The following NBPF11 variants were observed in gnomAD, a reference collection of about 807,000 sequenced individuals.
The protein encoded by NBPF11 is NBPF family member NBPF11.
NBPF11 carries 72 observed loss-of-function variants against 93.9 expected under a neutral mutation model. The ratio of observed to expected loss-of-function variants is 0.77; its 90% confidence interval spans 0.63 to 0.93. NBPF11 has a LOEUF of 0.93. Ranked by LOEUF, NBPF11 falls within the 40% of genes least tolerant of loss-of-function variation. NBPF11 has a pLI of 0.00. For synonymous variants in NBPF11, 224 were observed against 304.9 expected (o/e 0.73, Z 2.76); for missense variants, 705 against 802.2 (o/e 0.88, Z 1.46).
chr1:148,146,249 C>T (rs1306828081), intron 1 of NBPF11: 4 of 1,116,512 alleles, frequency 3.6e-6, no homozygotes, highest in African/African-American at 1.7e-5. Flanking sequence ...GGCCTCCTAA[C>T]GGGGCTGCTG....
intron 1 of NBPF11, chr1:148,146,950 C>A (rs1673231265): frequency 6.4e-7 from 1 of 1,571,880 alleles, no homozygotes; most frequent in Non-Finnish European, 8.6e-7. Context: ...GCAGCTCAGC[C>A]TGGGCACACC....
intron 12 of NBPF11, among the ~76,000 whole-genome samples, chr1:148,116,762 G>C (rs1298331446): frequency 1.3e-5 from 2 of 151,976 alleles, no homozygotes; most frequent in African/African-American, 2.4e-5. Flanking sequence ...ATATTGAAAA[G>C]ACCTTTTGCT....
chr1:148,142,885 T>C (rs1199454936), intron 2 of NBPF11, among the ~76,000 whole-genome samples: 9 of 152,238 alleles, frequency 5.9e-5, no homozygotes, highest in African/African-American at 2.2e-4. Context: ...AAGTGGTCTC[T>C]CTTTTAACCC....
chr1:148,142,010 GAGGGAGGAAGGAAGGA>G (rs1229127332), intron 2 of NBPF11, among the ~76,000 whole-genome samples: 5 of 140,878 alleles, frequency 3.5e-5, no homozygotes, highest in Non-Finnish European at 7.7e-5. Context: ...GGGAAGGAGG[GAGGGAGGAAGGAAGGA>G]AGGGAGGGAG....
chr1:148,146,934 C>A, intron 1 of NBPF11: 3 of 1,595,172 alleles, frequency 1.9e-6, no homozygotes, highest in Non-Finnish European at 2.6e-6. Flanking sequence ...GAGGGCGACC[C>A]TGGGGGCAGC....
chr1:148,136,913 C>T (rs1241868247), intron 3 of NBPF11, among the ~76,000 whole-genome samples: 1 of 151,810 alleles, frequency 6.6e-6, no homozygotes, highest in Non-Finnish European at 1.5e-5. Context: ...CTGATGTGGT[C>T]TACATGACAT....
intron 2 of NBPF11, among the ~76,000 whole-genome samples, chr1:148,139,977 G>T: frequency 1.3e-5 from 2 of 151,406 alleles, no homozygotes; most frequent in African/African-American, 4.9e-5. Context: ...AGGTTCTCAT[G>T]ATGAAGTTCA....
At chr1:148,117,262 G>A (rs1374899363) in intron 12 of NBPF11, among the ~76,000 whole-genome samples, 1 of 148,988 alleles carries the variant, frequency 6.7e-6, no homozygotes, top group East Asian at 2.0e-4. Context: ...TCTTAGTCCA[G>A]AGCTCTTTTC....
Position 148,139,301 on chromosome 1 carries a change from C to T in NBPF11, c.-276-1492G>A, listed in dbSNP as rs1169129401. 5.4e-4 allele frequency among the ~76,000 whole-genome samples: 79 copies of T among 145,966 alleles called. 5 individuals carry two copies. The highest frequency in any genetic ancestry group is 1.6e-3 in the African/African-American group (62 of 38,456). ...AAACAGGACTACTATTATGTTCCCC[C>T]GAAAACCATCCCTAGAATGCAATCT... On this transcript the variant is annotated intron_variant, in intron 2 of 23. Transcript: ENST00000682118.
At position 148,122,710 on chromosome 1, in the gene NBPF11, C is replaced by T. The variant is rs1188213365; in HGVS notation, c.566+19G>A. The stretch of plus-strand genomic sequence containing the variant: ...CATATGTTACCACCCATTACTTGCT[C>T]CTGAGTATTCAATGTTACCTGGGGG... On this transcript the variant is annotated intron_variant, in intron 8 of 23. Coordinates refer to ENST00000682118, the MANE Select transcript of NBPF11 (RefSeq NM_001385469.3). The T allele has an allele frequency of 1.2e-6, 2 of 1,608,580 alleles. No homozygotes were observed. The highest frequency in any genetic ancestry group is 2.2e-5 in the East Asian group (1 of 44,886).
intron 1 of NBPF11, chr1:148,146,549 C>T (rs1673118820): frequency 1.2e-6 from 2 of 1,604,810 alleles, no homozygotes; most frequent in Non-Finnish European, 8.5e-7. Flanking sequence ...GGGGCCGCCC[C>T]CTTGGGGACC....
In NBPF11 at chr1:148,105,601, G is replaced by A. The variant is rs1360736061; in HGVS notation, c.2304-73C>T. Reference sequence around the variant, plus strand: ...CAACAGAGCCCCAACTAGGTTTCATGGGTAGCATAAGGAAGTGGTTAAAAA... The same window carrying A: ...CAACAGAGCCCCAACTAGGTTTCATAGGTAGCATAAGGAAGTGGTTAAAAA... On this transcript the variant is annotated intron_variant, in intron 21 of 23. Coordinates refer to ENST00000682118, the MANE Select transcript of NBPF11 (RefSeq NM_001385469.3). The A allele has an allele frequency of 5.0e-5, 36 of 712,886 alleles. 1 individual carries two copies. The African/African-American group carries it at 7.4e-4, about 15-fold the overall frequency. The allele number at this position is 712,886 out of a possible 1,614,324, so 44.2% of individuals were successfully genotyped here. A position where few individuals can be genotyped will look rare whatever the true frequency, so the allele number is the denominator to read the frequency against.
At chr1:148,134,619 A>T (rs1670966881) in intron 4 of NBPF11, among the ~76,000 whole-genome samples, 1 of 150,444 alleles carries the variant, frequency 6.6e-6, no homozygotes, top group Non-Finnish European at 1.5e-5. Flanking sequence ...AGCATAAAGC[A>T]CTCAACCAGG....
chr1:148,146,362 C>T, intron 1 of NBPF11: 6 of 1,512,150 alleles, frequency 4.0e-6, no homozygotes, highest in East Asian at 2.5e-5. Flanking sequence ...TGGCGGGGGC[C>T]CCGGTGGAGG....
At chr1:148,144,038 A>G (rs1424555216) in intron 1 of NBPF11, among the ~76,000 whole-genome samples, 20 of 151,668 alleles carry the variant, frequency 1.3e-4, no homozygotes, top group East Asian at 9.7e-4. Flanking sequence ...GCCTGGGGGG[A>G]AAAAAATAGA....
intron 6 of NBPF11, among the ~76,000 whole-genome samples, chr1:148,124,520 TTGAG>T (rs1401176335): frequency 2.0e-5 from 3 of 150,688 alleles, no homozygotes; most frequent in Non-Finnish European, 4.4e-5. Context: ...GCAACATTGA[TTGAG>T]TGAAAGAATG....
chr1:148,108,136 T>C (rs1369614838), intron 18 of NBPF11, among the ~76,000 whole-genome samples: 1 of 148,204 alleles, frequency 6.7e-6, no homozygotes, highest in Non-Finnish European at 1.5e-5. Flanking sequence ...GTAGTGAGGA[T>C]TTTAGATGCT....
At chr1:148,133,414 T>C (rs1061849) in intron 4 of NBPF11, among the ~76,000 whole-genome samples, 5,570 of 151,966 alleles carry the variant, frequency 0.037, 185 homozygotes, top group African/African-American at 0.13. Context: ...AGAAAAGCAT[T>C]CAATCTTATG....
chr1:148,109,842 T>TA (rs1664814507), intron 16 of NBPF11, among the ~76,000 whole-genome samples: 1 of 135,760 alleles, frequency 7.4e-6, no homozygotes, highest in Admixed American at 7.6e-5. Context: ...CTAGAAAACA[T>TA]ACCAGGAACA....
Sources: allele counts gnomAD v4.1 joint callset (sites outside exome capture counted in the v4.1 genomes callset), GRCh38; gene constraint gnomAD v4.1.1; transcripts MANE v1.5; gene names NCBI Gene and HGNC (gene_info 2026-07-23, HGNC 2026-07-21).